Variants in EXOC4 observed in about 807,000 individuals in gnomAD.
The protein encoded by EXOC4 is SEC8-like 1.
Under a neutral mutation model 107.2 loss-of-function variants are expected in EXOC4, and 71 were observed. The ratio of observed to expected loss-of-function variants is 0.66; its 90% confidence interval spans 0.55 to 0.81. EXOC4 has a LOEUF of 0.81. Ranked by LOEUF, EXOC4 falls within the 30% of genes least tolerant of loss-of-function variation. EXOC4 has a pLI of 0.00. For missense variants in EXOC4, 1,108 were observed against 1,189.6 expected, an observed-to-expected ratio of 0.93 and a Z score of 1.01; for synonymous variants, 456 against 441.2, an observed-to-expected ratio of 1.03 and a Z score of -0.42.
intron 11 of EXOC4, among the ~76,000 whole-genome samples, chr7:133,865,943 GT>G (rs1166346396): frequency 2.0e-5 from 3 of 152,050 alleles, no homozygotes; most frequent in African/African-American, 7.2e-5. Flanking sequence ...GGAGACATCT[GT>G]TTTGCTATGC....
chr7:133,509,035 T>A (rs1392128175), intron 9 of EXOC4, among the ~76,000 whole-genome samples: 1 of 152,174 alleles, frequency 6.6e-6, no homozygotes, highest in African/African-American at 2.4e-5. Context: ...TTACCCACCT[T>A]TTCTCCTCCT....
intron 5 of EXOC4, among the ~76,000 whole-genome samples, chr7:133,331,756 C>T (rs1795400713): frequency 6.6e-6 from 1 of 152,170 alleles, no homozygotes; most frequent in Admixed American, 6.5e-5. Flanking sequence ...AATCACTTTA[C>T]AGATACGGAA....
At chr7:133,586,924 GGGTTCAAGT>G (rs1372663477) in intron 9 of EXOC4, among the ~76,000 whole-genome samples, 4 of 152,100 alleles carry the variant, frequency 2.6e-5, no homozygotes, top group African/African-American at 9.6e-5. Flanking sequence ...TCTGCCTCCC[GGGTTCAAGT>G]GATTCTCCTG....
At chr7:134,005,675 A>G (rs532960759) in intron 16 of EXOC4, among the ~76,000 whole-genome samples, 1 of 152,186 alleles carries the variant, frequency 6.6e-6, no homozygotes, top group South Asian at 2.1e-4. Flanking sequence ...ATAATTTTTC[A>G]TGGTGAATTT....
intron 9 of EXOC4, among the ~76,000 whole-genome samples, chr7:133,625,284 T>A (rs1487761599): frequency 6.6e-6 from 1 of 152,232 alleles, no homozygotes. Context: ...AATGCCCTTA[T>A]CTACGTTACT....
chr7:134,040,308 C>A (rs1376402152), intron 17 of EXOC4, among the ~76,000 whole-genome samples: 1 of 152,196 alleles, frequency 6.6e-6, no homozygotes, highest in Non-Finnish European at 1.5e-5. Context: ...ACTGTTCTTT[C>A]TTAATTGGCC....
intron 9 of EXOC4, chr7:133,481,218 C>A (rs1210280546): frequency 6.7e-6 from 1 of 149,978 alleles, no homozygotes; most frequent in South Asian, 2.1e-4. Flanking sequence ...TATACATACA[C>A]ACACAGAGAT....
intron 14 of EXOC4, among the ~76,000 whole-genome samples, chr7:133,963,931 T>C (rs1325394815): frequency 6.6e-6 from 1 of 152,096 alleles, no homozygotes; most frequent in African/African-American, 2.4e-5. Context: ...ATACAGACAA[T>C]TATGGAGAAA....
intron 12 of EXOC4, among the ~76,000 whole-genome samples, chr7:133,909,967 A>G (rs1342867445): frequency 8.7e-6 from 1 of 115,204 alleles, no homozygotes; most frequent in Admixed American, 1.3e-4. Context: ...CTTGTTGCCC[A>G]GGCTGGAATG....
intron 10 of EXOC4, among the ~76,000 whole-genome samples, chr7:133,788,795 A>T: frequency 6.6e-6 from 1 of 151,992 alleles, no homozygotes; most frequent in East Asian, 1.9e-4. Flanking sequence ...ACCCAGAAAC[A>T]CTTCTCTTTC....
In EXOC4 at chr7:133,481,449, A is replaced by G. The variant is rs180804571; in HGVS notation, c.1417+1311A>G. Among the ~76,000 whole-genome samples the G allele has an allele frequency of 5.8e-4, 88 of 152,330 alleles. 1 individual carries two copies. Among genetic ancestry groups the G allele is most frequent in the Admixed American group, 4.6e-3 (70 of 15,286 alleles). On this transcript the variant is annotated intron_variant, in intron 9 of 17. Transcript: ENST00000253861. ...TGCAGTGACTGGCCTGTGTAATTAAATATTTAGTCTTTAAGACTCATAATT... is the reference window on the plus strand; with the variant it reads ...TGCAGTGACTGGCCTGTGTAATTAAGTATTTAGTCTTTAAGACTCATAATT...
chr7:133,985,974 A>G (rs1205668779), intron 14 of EXOC4, among the ~76,000 whole-genome samples: 1 of 152,178 alleles, frequency 6.6e-6, no homozygotes, highest in Non-Finnish European at 1.5e-5. Flanking sequence ...CAAAAGAGAG[A>G]GAGCAGTGAA....
intron 10 of EXOC4, among the ~76,000 whole-genome samples, chr7:133,731,492 A>G (rs1204818946): frequency 6.6e-6 from 1 of 152,186 alleles, no homozygotes; most frequent in Non-Finnish European, 1.5e-5. Context: ...TAGAACTACT[A>G]GACTTCTAGA....
At chr7:133,823,843 TTATATATATATATA>T (rs869279764) in intron 11 of EXOC4, among the ~76,000 whole-genome samples, 1 of 18,718 alleles carries the variant, frequency 5.3e-5, no homozygotes, top group Non-Finnish European at 7.7e-5. Context: ...TATATATATA[TTATATATATATATA>T]TATATATATA....
intron 10 of EXOC4, among the ~76,000 whole-genome samples, chr7:133,729,766 A>G (rs1311564461): frequency 6.6e-6 from 1 of 152,114 alleles, no homozygotes; most frequent in Non-Finnish European, 1.5e-5. Context: ...CTTTTTAAAA[A>G]GTATTGAAAT....
intron 13 of EXOC4, among the ~76,000 whole-genome samples, chr7:133,925,347 A>G (rs1800028031): frequency 6.6e-6 from 1 of 152,244 alleles, no homozygotes; most frequent in South Asian, 2.1e-4. Context: ...GAAAAATAGC[A>G]AATATCCTTT....
chr7:133,837,014 A>T (rs1208429390), intron 11 of EXOC4, among the ~76,000 whole-genome samples: 2 of 152,166 alleles, frequency 1.3e-5, no homozygotes, highest in African/African-American at 4.8e-5. Context: ...CCTTTTAAAG[A>T]TTTAATTATA....
chr7:133,782,747 C>T (rs555207002), intron 10 of EXOC4, among the ~76,000 whole-genome samples: 34 of 152,186 alleles, frequency 2.2e-4, no homozygotes, highest in South Asian at 2.1e-3. Context: ...TCCTCGGACC[C>T]GGGTACTTAA....
intron 9 of EXOC4, among the ~76,000 whole-genome samples, chr7:133,565,482 C>G (rs1453799829): frequency 6.6e-6 from 1 of 152,098 alleles, no homozygotes; most frequent in African/African-American, 2.4e-5. Context: ...TAGAGATCAC[C>G]TTGAGGACTC....
Sources: gnomAD v4.1 joint callset for allele counts (sites outside exome capture counted in the v4.1 genomes callset) on GRCh38, gnomAD v4.1.1 for gene constraint, MANE v1.5 for transcripts, NCBI Gene and HGNC (gene_info 2026-07-23, HGNC 2026-07-21) for gene names.